The following PCDHGA4 variants were observed in gnomAD, a reference collection of about 807,000 sequenced individuals.
PCDHGA4 encodes the protein protocadherin gamma subfamily A, 4, also known as protocadherin gamma-A4.
Under a neutral mutation model 54.6 loss-of-function variants are expected in PCDHGA4, and 38 were observed. That is an observed-to-expected ratio of 0.70 (90% CI 0.54 to 0.91). PCDHGA4 has a LOEUF of 0.91. PCDHGA4 is among the 40% of genes least tolerant of loss of function. PCDHGA4 has a pLI of 0.00. For missense variants in PCDHGA4, 1,298 were observed against 1,220.9 expected (o/e 1.06, Z -0.94); for synonymous variants, 511 against 512.9 (o/e 1.00, Z 0.05).
intron 1 of PCDHGA4, chr5:141,409,837 C>T (rs182654621): frequency 2.2e-5 from 36 of 1,611,350 alleles, no homozygotes; most frequent in Non-Finnish European, 2.9e-5. Context: ...TCAGCGCCAA[C>T]GTGAGCCTGC....
At chr5:141,435,430 T>C (rs576681937) in intron 1 of PCDHGA4, among the ~76,000 whole-genome samples, 115 of 152,334 alleles carry the variant, frequency 7.5e-4, no homozygotes, top group African/African-American at 2.6e-3. Flanking sequence ...ACTTCTGTTA[T>C]GCATTTCATT....
rs1358999264 is a variant in PCDHGA4 at position 141,356,145 on chromosome 5, T to C, written c.1038T>C (p.Tyr346=). 1.9e-6 allele frequency: 3 copies of C among 1,613,584 alleles called. No homozygotes were observed. Among genetic ancestry groups the C allele is most frequent in the Non-Finnish European group, 2.5e-6 (3 of 1,179,680 alleles). The change falls in exon 1 of 4, where the codon TAT becomes TAC. Residue 346 remains tyrosine (Y), a synonymous_variant. Coordinates refer to ENST00000571252, the MANE Select transcript of PCDHGA4 (RefSeq NM_018917.4). The stretch of plus-strand genomic sequence containing the variant: ...TAGATTATGAGGACTCTGGATTCTA[T>C]GACATAGATGTAGAAGCCCATGATG... ...GGLDYEDSGF[Y]DIDVEAHDGP...
intron 1 of PCDHGA4, among the ~76,000 whole-genome samples, chr5:141,460,997 G>A (rs1322943324): frequency 3.4e-5 from 5 of 147,290 alleles, no homozygotes; most frequent in Admixed American, 1.4e-4. Flanking sequence ...ATATATATAT[G>A]TGTATATATA....
At position 141,408,867 on chromosome 5, in the gene PCDHGA4, G is replaced by T. The variant is rs376342658; in HGVS notation, c.2514+51246G>T. 5.5e-5 allele frequency: 88 copies of T among 1,613,574 alleles called. No homozygotes were observed. The highest frequency in any genetic ancestry group is 6.8e-5 in the Non-Finnish European group (80 of 1,179,830). ...GCCTTGGACGGAGGGGACCCACCAA[G>T]AAGTGCCACCGCTCACATAGAAATT... On this transcript the variant is annotated intron_variant, in intron 1 of 3. Transcript: ENST00000571252.
At chr5:141,366,099 A>C in intron 1 of PCDHGA4, 1 of 1,614,210 alleles carries the variant, frequency 6.2e-7, no homozygotes, top group Non-Finnish European at 8.5e-7. Context: ...CTGGTGACCA[A>C]GGTGGTAGCG....
intron 1 of PCDHGA4, chr5:141,392,681 G>T: frequency 1.9e-6 from 2 of 1,026,496 alleles, no homozygotes; most frequent in Non-Finnish European, 2.7e-6. Flanking sequence ...CTGGACTGCA[G>T]CGAAACCCGA....
intron 2 of PCDHGA4, among the ~76,000 whole-genome samples, chr5:141,497,767 C>T (rs1419825322): frequency 1.3e-5 from 2 of 152,066 alleles, no homozygotes; most frequent in East Asian, 3.9e-4. Flanking sequence ...TCAAACTCCC[C>T]GACCTCAACT....
chr5:141,433,115 G>T, intron 1 of PCDHGA4: 1 of 1,613,762 alleles, frequency 6.2e-7, no homozygotes, highest in Non-Finnish European at 8.5e-7. Context: ...GGAGAGCTTT[G>T]AAAAAAGCGA....
intron 1 of PCDHGA4, chr5:141,382,731 A>C: frequency 3.6e-6 from 2 of 554,530 alleles, no homozygotes; most frequent in Non-Finnish European, 6.1e-6. Context: ...TTTACAGCAC[A>C]GAGAAACGAC....
chr5:141,356,099 A>T lies in PCDHGA4; in HGVS notation c.992A>T (p.Asp331Val). The T allele has an allele frequency of 6.2e-7, 1 of 1,613,882 alleles. No homozygotes were observed. The highest frequency in any genetic ancestry group is 8.5e-7 in the Non-Finnish European group (1 of 1,179,872). The change falls in exon 1 of 4, where the codon GAT (aspartate) becomes GTT (valine). Residue 331 changes from aspartate (D) to valine (V), a missense_variant. Asp to Val is a radical substitution (Grantham distance 152). Transcript: ENST00000571252. ...TTTCAGTTGAATTCTCTGAGTGGGG[A>T]TATAACAATATTGGGGGGTCTAGAT... ...QLFQLNSLSG[D>V]ITILGGLDYE...
At chr5:141,437,104 T>C (rs539232057) in intron 1 of PCDHGA4, among the ~76,000 whole-genome samples, 1 of 152,338 alleles carries the variant, frequency 6.6e-6, no homozygotes, top group African/African-American at 2.4e-5. Flanking sequence ...GGCTTAGCTT[T>C]AGGATTTTTA....
chr5:141,419,645 G>T, intron 1 of PCDHGA4: 1 of 1,612,478 alleles, frequency 6.2e-7, no homozygotes, highest in African/African-American at 1.3e-5. Context: ...GGCCGTGGAC[G>T]CGGACTCGGG....
chr5:141,478,857 C>A, intron 1 of PCDHGA4: 1 of 1,353,600 alleles, frequency 7.4e-7, no homozygotes, highest in Non-Finnish European at 9.8e-7. Context: ...AACACAAGAT[C>A]TCAGCGATCA....
chr5:141,365,000 G>A (rs188773052), intron 1 of PCDHGA4: 10 of 1,613,822 alleles, frequency 6.2e-6, no homozygotes, highest in Admixed American at 5.0e-5. Context: ...GGTACTCTCC[G>A]GCACCACGCA....
intron 1 of PCDHGA4, chr5:141,409,190 C>T (rs868189970): frequency 6.2e-7 from 1 of 1,613,986 alleles, no homozygotes; most frequent in Non-Finnish European, 8.5e-7. Context: ...TCTCTCTACC[C>T]AGTGTAAAGT....
chr5:141,450,675 CG>C (rs2098689980), intron 1 of PCDHGA4, among the ~76,000 whole-genome samples: 1 of 151,614 alleles, frequency 6.6e-6, no homozygotes, highest in Non-Finnish European at 1.5e-5. Flanking sequence ...TTAGTAGAAA[CG>C]GGGTTTTGCC....
chr5:141,364,302 C>A (rs1763258341), intron 1 of PCDHGA4: 1 of 1,521,598 alleles, frequency 6.6e-7, no homozygotes, highest in African/African-American at 1.4e-5. Context: ...TGAACCAGAA[C>A]TAAGAGAAAA....
intron 1 of PCDHGA4, chr5:141,475,966 A>T (rs1252698069): frequency 2.3e-6 from 2 of 888,664 alleles, no homozygotes; most frequent in Admixed American, 5.2e-5. Flanking sequence ...GGGATGAGGC[A>T]GAGACTGAAC....
chr5:141,489,729 C>T lies in PCDHGA4; in HGVS notation c.2515-5078C>T, dbSNP rs760195181. ...ACAGTGCCCAGGATCCGGATGTGGGCACCAATACTGTGAGCTTTTACACTC... is the reference window on the plus strand; with the variant it reads ...ACAGTGCCCAGGATCCGGATGTGGGTACCAATACTGTGAGCTTTTACACTC... On this transcript the variant is annotated intron_variant, in intron 1 of 3. Transcript: ENST00000571252. The surrounding 1 kb of genome is among the most constrained non-coding windows in gnomAD (Gnocchi z 4.5). 2.5e-6 allele frequency: 4 copies of T among 1,614,152 alleles called. No individual in the cohort carries two copies. The highest frequency in any genetic ancestry group is 2.2e-5 in the East Asian group (1 of 44,876).
Sources: gnomAD v4.1 joint callset for allele counts (sites outside exome capture counted in the v4.1 genomes callset) on GRCh38, gnomAD v4.1.1 for gene constraint, Gnocchi (gnomAD v3.1) non-coding constraint, MANE v1.5 for transcripts, NCBI Gene and HGNC (gene_info 2026-07-23, HGNC 2026-07-21) for gene names.